Variants in PCDH11Y observed in about 807,000 individuals in gnomAD.
The protein encoded by PCDH11Y is protocadherin-11 Y-linked.
For missense variants in PCDH11Y, 12 were observed against 224.8 expected (o/e 0.05, Z 6.05); for synonymous variants, 9 against 83.6 (o/e 0.11, Z 4.87).
intron 2 of PCDH11Y, among the ~76,000 whole-genome samples, chrY:5,185,055 G>A: frequency 3.1e-5 from 1 of 32,563 alleles, no homozygotes; most frequent in Admixed American, 2.9e-4. Context: ...TTTGGTGTCA[G>A]TTTGTGTTTT....
chrY:5,144,100 C>T, intron 2 of PCDH11Y, among the ~76,000 whole-genome samples: 1 of 33,068 alleles, frequency 3.0e-5, no homozygotes, highest in Non-Finnish European at 7.5e-5. Flanking sequence ...CCCCCTCTCA[C>T]CAAAATCAAG....
At chrY:5,297,730 G>A in intron 2 of PCDH11Y, among the ~76,000 whole-genome samples, 1 of 32,908 alleles carries the variant, frequency 3.0e-5, no homozygotes, top group African/African-American at 1.2e-4. Context: ...TCCATACCTC[G>A]TGGCCACAAC....
intron 3 of PCDH11Y, among the ~76,000 whole-genome samples, chrY:5,046,773 G>C: frequency 2.7e-4 from 9 of 33,232 alleles, no homozygotes; most frequent in African/African-American, 9.4e-4. Flanking sequence ...GACTCCGTGG[G>C]CGTAGGACCC....
chrY:5,023,336 T>G, intron 1 of PCDH11Y, among the ~76,000 whole-genome samples: 1 of 34,123 alleles, frequency 2.9e-5, no homozygotes, highest in Non-Finnish European at 7.3e-5. Context: ...AATAACTTTA[T>G]TTAAATGAAA....
intron 4 of PCDH11Y, among the ~76,000 whole-genome samples, chrY:5,699,520 C>T (rs2053575495): frequency 2.9e-5 from 1 of 34,181 alleles, no homozygotes; most frequent in Admixed American, 2.6e-4. Context: ...GCTGAAATTT[C>T]GACAAGGAGG....
At chrY:5,311,536 C>CAT (rs2053101018) in intron 2 of PCDH11Y, among the ~76,000 whole-genome samples, 5 of 24,274 alleles carry the variant, frequency 2.1e-4, no homozygotes, top group East Asian at 1.1e-3. Context: ...TATACACACA[C>CAT]ATATATATAT....
chrY:5,461,707 G>A (rs2124683856), intron 2 of PCDH11Y, among the ~76,000 whole-genome samples: 3 of 33,299 alleles, frequency 9.0e-5, no homozygotes, highest in Non-Finnish European at 1.5e-4. Context: ...CCATTTATAC[G>A]CAGGTTCATG....
intron 1 of PCDH11Y, among the ~76,000 whole-genome samples, chrY:5,016,131 A>T: frequency 3.0e-5 from 1 of 33,333 alleles, no homozygotes; most frequent in Non-Finnish European, 7.4e-5. Context: ...GTCATTTCTG[A>T]TATTTTTTTG....
rs377276117 is a variant in PCDH11Y at position 5,524,246 on chromosome Y, A to G, written c.3328+22991A>G. Reference sequence around the variant, plus strand: ...CTGCAAACTCTGTAAGAAGCAAAATATATTCATGTGGTATCAGTCACTAAG... The same window carrying G: ...CTGCAAACTCTGTAAGAAGCAAAATGTATTCATGTGGTATCAGTCACTAAG... On this transcript the variant is annotated intron_variant, in intron 3 of 4. Transcript: ENST00000400457. Among the ~76,000 whole-genome samples the G allele has an allele frequency of 4.4e-3, 147 of 33,475 alleles. No individual in the cohort carries two copies. In the East Asian group the frequency reaches 0.064, roughly 15 times the overall value. 89.8% of individuals were successfully genotyped at this position (33,475 alleles called of 37,273 possible). A position where few individuals can be genotyped will look rare whatever the true frequency, so the allele number is the denominator to read the frequency against.
At chrY:5,621,604 A>G (rs2053500237) in intron 4 of PCDH11Y, among the ~76,000 whole-genome samples, 1 of 32,105 alleles carries the variant, frequency 3.1e-5, no homozygotes, top group Non-Finnish European at 7.6e-5. Context: ...ATCCATAGCA[A>G]AAAGAACAAA....
At chrY:5,577,839 A>C in intron 3 of PCDH11Y, among the ~76,000 whole-genome samples, 2 of 32,235 alleles carry the variant, frequency 6.2e-5, no homozygotes, top group Non-Finnish European at 1.5e-4. Context: ...AGTTACCCCC[A>C]TACTGTTCTT....
exon 5 of PCDH11Y, chrY:5,740,403 G>A: frequency 3.1e-5 from 1 of 32,413 alleles, no homozygotes; most frequent in African/African-American, 1.2e-4. Flanking sequence ...GAACCAATAC[G>A]CTTTTATTAC....
intron 2 of PCDH11Y, among the ~76,000 whole-genome samples, chrY:5,124,242 A>G (rs2052822481): frequency 6.0e-5 from 2 of 33,453 alleles, no homozygotes; most frequent in Non-Finnish European, 1.5e-4. Flanking sequence ...AGAAATTTCT[A>G]TATTTATTTT....
At chrY:5,208,687 A>C in intron 2 of PCDH11Y, among the ~76,000 whole-genome samples, 6 of 34,151 alleles carry the variant, frequency 1.8e-4, no homozygotes, top group Admixed American at 1.4e-3. Context: ...GGGAGACTTT[A>C]AAATAAAGTG....
intron 2 of PCDH11Y, among the ~76,000 whole-genome samples, chrY:5,255,509 G>C (rs2053009616): frequency 3.0e-5 from 1 of 33,049 alleles, no homozygotes; most frequent in Non-Finnish European, 7.5e-5. Context: ...ACAAACATGG[G>C]GGTGCAGATA....
chrY:5,533,386 T>C (rs2124691914), intron 3 of PCDH11Y, among the ~76,000 whole-genome samples: 8 of 33,704 alleles, frequency 2.4e-4, no homozygotes, highest in African/African-American at 9.2e-4. Context: ...GTTACAACTA[T>C]GTACTGATTG....
intron 2 of PCDH11Y, among the ~76,000 whole-genome samples, chrY:5,228,830 T>C (rs2052963945): frequency 3.0e-5 from 1 of 33,262 alleles, no homozygotes; most frequent in Non-Finnish European, 7.4e-5. Flanking sequence ...ACATATTTTG[T>C]GACCTAACAT....
At chrY:5,062,813 T>C (rs2052678363) in intron 1 of PCDH11Y, among the ~76,000 whole-genome samples, 1 of 32,945 alleles carries the variant, frequency 3.0e-5, no homozygotes, top group African/African-American at 1.2e-4. Context: ...GAAGAACAAA[T>C]GTGTTCCCAA....
chrY:5,731,462 T>C lies in PCDH11Y; in HGVS notation c.3353-5810T>C, dbSNP rs1602965267. ...ATCTTTTGAATTCCTGTGGGATCAG[T>C]TGCAATGCCACCTTTGTCTATTGTG... is the stretch of plus-strand genomic sequence containing the variant. On this transcript the variant is annotated intron_variant, in intron 4 of 4. Coordinates refer to the PCDH11Y transcript ENST00000400457. 7.0e-4 allele frequency among the ~76,000 whole-genome samples: 23 copies of C among 33,062 alleles called. No homozygotes were observed. The East Asian group carries it at 0.011, about 16-fold the overall frequency. The allele number at this position is 33,062 out of a possible 37,273, so 88.7% of individuals were successfully genotyped here.
Sources: allele counts gnomAD v4.1 joint callset (sites outside exome capture counted in the v4.1 genomes callset), GRCh38; gene constraint gnomAD v4.1.1; transcripts MANE v1.5; gene names NCBI Gene and HGNC (gene_info 2026-07-23, HGNC 2026-07-21).